Variants in TRPC4 observed in about 807,000 individuals in gnomAD.
The protein encoded by TRPC4 is transient receptor potential cation channel subfamily C member 4.
Under a neutral mutation model 99.4 loss-of-function variants are expected in TRPC4, and 49 were observed. That is an observed-to-expected ratio of 0.49 (90% CI 0.39 to 0.63). The LOEUF (loss-of-function observed/expected upper bound fraction) is 0.63, where lower values mean the gene tolerates loss of function less well. Ranked by LOEUF, TRPC4 falls within the 20% of genes least tolerant of loss-of-function variation. The probability of loss-of-function intolerance (pLI) is 0.00; values close to 1 mark genes in which losing one functional copy is unlikely to be tolerated. For synonymous variants in TRPC4, 454 were observed against 425.9 expected (o/e 1.07, Z -0.81); for missense variants, 898 against 1,152.9 (o/e 0.78, Z 3.20).
chr13:37,799,549 A>G (rs1957346246), intron 1 of TRPC4, among the ~76,000 whole-genome samples: 1 of 152,146 alleles, frequency 6.6e-6, no homozygotes, highest in Non-Finnish European at 1.5e-5. Context: ...GATTTCTCAT[A>G]TGTAAAAAAG....
intron 5 of TRPC4, among the ~76,000 whole-genome samples, chr13:37,667,568 A>G (rs1312907341): frequency 2.0e-5 from 3 of 152,148 alleles, no homozygotes; most frequent in African/African-American, 7.2e-5. Flanking sequence ...TGGGCCTCAC[A>G]AAGTGCTGGG....
intron 1 of TRPC4, among the ~76,000 whole-genome samples, chr13:37,805,415 A>C (rs952535650): frequency 6.6e-6 from 1 of 151,926 alleles, no homozygotes; most frequent in Admixed American, 6.6e-5. Flanking sequence ...TCACTGGGGA[A>C]GTCTTGAATT....
intron 1 of TRPC4, among the ~76,000 whole-genome samples, chr13:37,819,636 C>T (rs1957958373): frequency 6.6e-6 from 1 of 151,690 alleles, no homozygotes. Flanking sequence ...CACATGGGCA[C>T]ATAGAGGGGA....
Position 37,684,541 on chromosome 13 carries a change from T to C in TRPC4, c.1234+7458A>G, listed in dbSNP as rs139698079. Among the ~76,000 whole-genome samples the C allele has an allele frequency of 8.6e-3, 1,306 of 152,110 alleles. 19 individuals carry two copies. The highest frequency in any genetic ancestry group is 0.03 in the African/African-American group (1,247 of 41,502). On this transcript the variant is annotated intron_variant, in intron 4 of 10. Coordinates refer to ENST00000379705, the MANE Select transcript of TRPC4 (RefSeq NM_016179.4). Reference sequence around the variant, plus strand: ...TATAGGATTCTAATTTAATTTAAAATTTTCCATGAAAACTAAGAAGTAGAA... The same window carrying C: ...TATAGGATTCTAATTTAATTTAAAACTTTCCATGAAAACTAAGAAGTAGAA...
intron 5 of TRPC4, among the ~76,000 whole-genome samples, chr13:37,669,194 T>C (rs1195009089): frequency 6.6e-6 from 1 of 152,202 alleles, no homozygotes; most frequent in Non-Finnish European, 1.5e-5. Context: ...GAAAATATTA[T>C]TTAAATTACA....
intron 4 of TRPC4, among the ~76,000 whole-genome samples, chr13:37,681,033 T>G (rs1953217872): frequency 2.0e-5 from 3 of 152,230 alleles, no homozygotes; most frequent in South Asian, 4.2e-4. Context: ...ATTCAAATAT[T>G]TTGTGAGGAT....
chr13:37,853,840 G>T (rs1959116710), intron 1 of TRPC4, among the ~76,000 whole-genome samples: 1 of 151,804 alleles, frequency 6.6e-6, no homozygotes, highest in Non-Finnish European at 1.5e-5. Flanking sequence ...CAGAAGAATT[G>T]GTGAGGTTAA....
intron 1 of TRPC4, among the ~76,000 whole-genome samples, chr13:37,842,343 C>CAAAAAA (rs57428116): frequency 5.1e-3 from 80 of 15,572 alleles, no homozygotes; most frequent in East Asian, 0.027. Context: ...AGCGTCTAGC[C>CAAAAAA]AAAAAAAAAA....
chr13:37,776,144 T>A (rs939621833), intron 2 of TRPC4, among the ~76,000 whole-genome samples: 2 of 151,864 alleles, frequency 1.3e-5, no homozygotes, highest in Admixed American at 1.3e-4. Flanking sequence ...CTAAACACAA[T>A]CTATGCTCTA....
chr13:37,685,674 C>T (rs1016054492), intron 4 of TRPC4, among the ~76,000 whole-genome samples: 2 of 151,948 alleles, frequency 1.3e-5, no homozygotes, highest in African/African-American at 2.4e-5. Context: ...CTTTTCCCCT[C>T]TTCCCTTGAA....
At chr13:37,783,463 C>A (rs9594231) in intron 1 of TRPC4, 103 bp from the exon 2 acceptor site, 325,248 of 835,332 alleles carry the variant, frequency 0.39, 66,093 homozygotes, top group Middle Eastern at 0.43. Context: ...AACAACAATA[C>A]CATTATTAGT....
At chr13:37,806,488 G>A (rs1957532809) in intron 1 of TRPC4, among the ~76,000 whole-genome samples, 1 of 151,984 alleles carries the variant, frequency 6.6e-6, no homozygotes, top group South Asian at 2.1e-4. Flanking sequence ...TATTTCCCAA[G>A]GACCTTTTAG....
chr13:37,726,197 C>A (rs978874974), intron 3 of TRPC4, among the ~76,000 whole-genome samples: 4 of 148,010 alleles, frequency 2.7e-5, no homozygotes, highest in African/African-American at 4.9e-5. Context: ...CACCGTCCCC[C>A]CCCAAAAAAA....
At chr13:37,745,420 T>TTATATATATATATGCGTATATATATA (rs1566137965) in intron 3 of TRPC4, among the ~76,000 whole-genome samples, 1 of 128,364 alleles carries the variant, frequency 7.8e-6, no homozygotes, top group East Asian at 2.3e-4. Flanking sequence ...GGCTGATTAT[T>TTATATATATATATGCGTATATATATA]TATATATATA....
chr13:37,724,770 A>T (rs1954988515), intron 3 of TRPC4, among the ~76,000 whole-genome samples: 1 of 152,202 alleles, frequency 6.6e-6, no homozygotes, highest in Non-Finnish European at 1.5e-5. Flanking sequence ...TCACTTTTTC[A>T]AACAAGTTAA....
chr13:37,739,458 C>G (rs1459825866), intron 3 of TRPC4, among the ~76,000 whole-genome samples: 1 of 151,244 alleles, frequency 6.6e-6, no homozygotes, highest in Non-Finnish European at 1.5e-5. Flanking sequence ...CTCTCCTTCT[C>G]TAAGAGTTAT....
In TRPC4 at chr13:37,788,882, T is replaced by C. The variant is rs79785046; in HGVS notation, c.-27-5522A>G. On this transcript the variant is annotated intron_variant, in intron 1 of 10. Transcript: ENST00000379705. ...TGCCTATTTAAATGTAAATTAACTA[T>C]AGTTAAATAATATTAACAATCATTT... is the stretch of plus-strand genomic sequence containing the variant. 1.6e-4 allele frequency among the ~76,000 whole-genome samples: 25 copies of C among 152,290 alleles called. 1 individual carries two copies. Among genetic ancestry groups the C allele is most frequent in the Non-Finnish European group, 3.4e-4 (23 of 68,028 alleles).
intron 1 of TRPC4, among the ~76,000 whole-genome samples, chr13:37,812,675 A>G (rs1339613509): frequency 6.6e-6 from 1 of 151,782 alleles, no homozygotes; most frequent in Non-Finnish European, 1.5e-5. Flanking sequence ...GTGCCTCTTG[A>G]GAGAGAGAAG....
intron 4 of TRPC4, among the ~76,000 whole-genome samples, chr13:37,684,755 G>T (rs1309016911): frequency 6.8e-6 from 1 of 147,840 alleles, no homozygotes; most frequent in Admixed American, 6.8e-5. Flanking sequence ...TATGCACAAA[G>T]AAATATATTT....
Sources: allele counts gnomAD v4.1 joint callset (sites outside exome capture counted in the v4.1 genomes callset), GRCh38; gene constraint gnomAD v4.1.1; transcripts MANE v1.5; gene names NCBI Gene and HGNC (gene_info 2026-07-23, HGNC 2026-07-21).